The following TENM2 variants were observed in gnomAD, a reference collection of about 807,000 sequenced individuals.
TENM2 encodes teneurin transmembrane protein 2.
In TENM2, 52 loss-of-function variants were observed where a neutral mutation model predicts 245.2. The ratio of observed to expected loss-of-function variants is 0.21; its 90% CI spans 0.17 to 0.27. The LOEUF (loss-of-function observed/expected upper bound fraction) is 0.27. Among genes scored for constraint, TENM2 ranks in the 10% least tolerant of loss-of-function variants. The pLI is 1.00. For missense variants in TENM2, 3,046 were observed against 3,666.8 expected (o/e 0.83, Z 4.37); for synonymous variants, 1,363 against 1,438.9 (o/e 0.95, Z 1.19).
the TENM2 span, among the ~76,000 whole-genome samples, chr5:167,259,786 A>G: frequency 6.6e-6 from 1 of 152,186 alleles, no homozygotes; most frequent in African/African-American, 2.4e-5. Context: ...AAAAATTCTA[A>G]TAAATAGTCT....
intron 2 of TENM2, among the ~76,000 whole-genome samples, chr5:167,762,588 T>C (rs779344136): frequency 1.3e-5 from 2 of 152,198 alleles, no homozygotes; most frequent in African/African-American, 4.8e-5. Context: ...ATTTTAGATA[T>C]TCTCCTGGTA....
At chr5:168,222,254 T>C (rs1763734391) in intron 23 of TENM2, among the ~76,000 whole-genome samples, 1 of 152,244 alleles carries the variant, frequency 6.6e-6, no homozygotes, top group African/African-American at 2.4e-5. Context: ...CTCCCAGTGC[T>C]GCCTGCTGGT....
the TENM2 span, among the ~76,000 whole-genome samples, chr5:167,194,820 A>G: frequency 6.6e-6 from 1 of 151,762 alleles, no homozygotes. Flanking sequence ...TCCTCACAAA[A>G]CCTCGGAAGG....
intron 3 of TENM2, 100 bp from the exon 6 acceptor site, chr5:167,952,488 A>G (rs1360295854): frequency 1.0e-6 from 1 of 989,194 alleles, no homozygotes; most frequent in Non-Finnish European, 1.5e-6. Flanking sequence ...AGCAATTGTC[A>G]GCTTAGAGAC....
chr5:167,010,940 C>A, the TENM2 span, among the ~76,000 whole-genome samples: 2 of 152,018 alleles, frequency 1.3e-5, no homozygotes, highest in African/African-American at 2.4e-5. Flanking sequence ...GTTTATAGCC[C>A]CCATATTTAA....
At chr5:168,106,496 A>G (rs564491402) in intron 9 of TENM2, among the ~76,000 whole-genome samples, 1 of 152,316 alleles carries the variant, frequency 6.6e-6, no homozygotes, top group African/African-American at 2.4e-5. Context: ...TAGATGTGGA[A>G]AATGAGGCAC....
the TENM2 span, among the ~76,000 whole-genome samples, chr5:167,078,158 A>G: frequency 6.6e-6 from 1 of 152,094 alleles, no homozygotes; most frequent in African/African-American, 2.4e-5. Flanking sequence ...CATGCATACC[A>G]TACTCAGGTC....
At chr5:167,318,999 G>A (rs1756549857) in intron 1 of TENM2, among the ~76,000 whole-genome samples, 1 of 152,150 alleles carries the variant, frequency 6.6e-6, no homozygotes, top group Non-Finnish European at 1.5e-5. Flanking sequence ...AAGGCAACTT[G>A]TCATTCGAGG....
At chr5:167,166,586 T>C in the TENM2 span, among the ~76,000 whole-genome samples, 1 of 152,178 alleles carries the variant, frequency 6.6e-6, no homozygotes, top group Non-Finnish European at 1.5e-5. Flanking sequence ...TCCAAATGTC[T>C]ATCCAGTTAG....
At chr5:168,057,921 ACT>A (rs58072390) in intron 6 of TENM2, among the ~76,000 whole-genome samples, 11 of 150,026 alleles carry the variant, frequency 7.3e-5, no homozygotes, top group Non-Finnish European at 8.9e-5. Context: ...ATATGGCTTT[ACT>A]CTCTCTCTCT....
At chr5:167,850,010 C>A (rs1018130351) in intron 2 of TENM2, among the ~76,000 whole-genome samples, 1 of 152,156 alleles carries the variant, frequency 6.6e-6, no homozygotes, top group Non-Finnish European at 1.5e-5. Flanking sequence ...GTGATCAACT[C>A]AACCTTCAAC....
At chr5:168,234,043 G>A (rs960225453) in intron 25 of TENM2, among the ~76,000 whole-genome samples, 3 of 152,102 alleles carry the variant, frequency 2.0e-5, no homozygotes, top group East Asian at 1.9e-4. Context: ...TCAGATGGAC[G>A]TCTCTCTTTC....
At chr5:168,193,930 A>T (rs1037190803) in intron 14 of TENM2, among the ~76,000 whole-genome samples, 2 of 152,256 alleles carry the variant, frequency 1.3e-5, no homozygotes, top group African/African-American at 4.8e-5. Flanking sequence ...AGTAGCAGAC[A>T]ATTAGAGCTG....
the TENM2 span, among the ~76,000 whole-genome samples, chr5:167,152,267 G>A: frequency 6.6e-6 from 1 of 152,178 alleles, no homozygotes; most frequent in Non-Finnish European, 1.5e-5. Flanking sequence ...AAGAAGACTG[G>A]AAAGCCGCAT....
At chr5:167,545,735 C>G (rs1407095209) in intron 2 of TENM2, among the ~76,000 whole-genome samples, 3 of 152,184 alleles carry the variant, frequency 2.0e-5, no homozygotes, top group Admixed American at 2.0e-4. Flanking sequence ...TTTAAATACT[C>G]TGCTCTAAGA....
At chr5:167,214,962 C>T in the TENM2 span, among the ~76,000 whole-genome samples, 3 of 152,264 alleles carry the variant, frequency 2.0e-5, no homozygotes, top group Non-Finnish European at 1.5e-5. Context: ...TACCTACCAT[C>T]CCTTCCGAAT....
intron 2 of TENM2, among the ~76,000 whole-genome samples, chr5:167,540,646 C>G (rs1486659218): frequency 6.6e-6 from 1 of 151,986 alleles, no homozygotes; most frequent in Non-Finnish European, 1.5e-5. Context: ...ATTTGCCACC[C>G]CAAAATTAAA....
chr5:167,387,451 A>G (rs1192846842), intron 2 of TENM2, among the ~76,000 whole-genome samples: 1 of 152,130 alleles, frequency 6.6e-6, no homozygotes, highest in East Asian at 1.9e-4. Context: ...GTAAACAATC[A>G]TATCATCAGC....
rs139152772 is a variant in TENM2, at chr5:168,066,107, A to T, written c.1515+3842A>T. 3.4e-3 allele frequency among the ~76,000 whole-genome samples: 521 copies of T among 152,316 alleles called. 1 individual carries two copies. The highest frequency in any genetic ancestry group is 0.012 in the African/African-American group (493 of 41,568). On this transcript the variant is annotated intron_variant, in intron 7 of 28. Coordinates refer to ENST00000518659, the Ensembl canonical transcript of TENM2. ...AAGTGCTAATAGTGCTGAGGTTAGA[A>T]AACTCTGCTTCGCATGTCCCTCTTA...
Sources: gnomAD v4.1 joint callset for allele counts (sites outside exome capture counted in the v4.1 genomes callset) on GRCh38, gnomAD v4.1.1 for gene constraint, MANE v1.5 for transcripts, NCBI Gene and HGNC (gene_info 2026-07-23, HGNC 2026-07-21) for gene names.